The following TBC1D7 variants were observed in gnomAD, a reference collection of about 807,000 sequenced individuals.
TBC1D7 encodes TBC domain family 7.
TBC1D7 carries 33 observed loss-of-function variants against 35.3 expected under a neutral mutation model. The observed-to-expected ratio is 0.93, with a 90% CI of 0.71 to 1.25. TBC1D7 has a LOEUF of 1.25. TBC1D7 is among the 50% of genes most tolerant of loss of function. The pLI is 0.00. For synonymous variants in TBC1D7, 135 were observed against 129.5 expected (o/e 1.04, Z -0.29); for missense variants, 362 against 365.3 (o/e 0.99, Z 0.07).
Position 13,316,564 on chromosome 6 carries a change from C to T in TBC1D7, c.519+7G>A. 1 of 1,582,050 alleles carries T rather than the reference C, an allele frequency of 6.3e-7. No homozygotes were observed. Among genetic ancestry groups the T allele is most frequent in the Admixed American group, 1.9e-5 (1 of 51,632 alleles). Reference sequence around the variant, plus strand: ...TCCAATAGCCAAAAAAAAAAAAAAGCCCTCACCAACTGGGGCAAGGAATCC... The same window carrying T: ...TCCAATAGCCAAAAAAAAAAAAAAGTCCTCACCAACTGGGGCAAGGAATCC... On this transcript the variant is annotated splice_region_variant and intron_variant, in intron 5 of 7. Coordinates refer to ENST00000379300, the MANE Select transcript of TBC1D7 (RefSeq NM_016495.6).
rs150435093 is a variant in TBC1D7 at position 13,313,966 on chromosome 6, T to C, written c.519+2605A>G. Among the ~76,000 whole-genome samples, 807 of 152,316 alleles carry C rather than the reference T, an allele frequency of 5.3e-3. 7 individuals carry two copies. The highest frequency in any genetic ancestry group is 0.019 in the African/African-American group (780 of 41,578). ...ACAGTATAATACTACTTAATGTGAT[T>C]AATCCCAGCACTTTGGGAGGCCGAG... On this transcript the variant is annotated intron_variant, in intron 5 of 7. Transcript: ENST00000379300.
At chr6:13,320,572 C>T (rs920219564) in intron 4 of TBC1D7, 45 of 566,702 alleles carry the variant, frequency 7.9e-5, no homozygotes, top group Non-Finnish European at 1.3e-4. Context: ...TATTTTTTAA[C>T]TTTTTAAATA....
intron 5 of TBC1D7, among the ~76,000 whole-genome samples, chr6:13,312,026 A>G (rs1203178134): frequency 6.6e-6 from 1 of 152,144 alleles, no homozygotes; most frequent in Non-Finnish European, 1.5e-5. Flanking sequence ...TGGCATTTCA[A>G]ATCCGTGGAA....
intron 5 of TBC1D7, among the ~76,000 whole-genome samples, chr6:13,308,992 C>T (rs2458314): frequency 0.33 from 49,951 of 152,128 alleles, 8,774 homozygotes; most frequent in South Asian, 0.46. Context: ...CTCTGAAGAA[C>T]AGACAGGAGT....
Position 13,316,579 on chromosome 6 carries a change from G to A in TBC1D7, c.511C>T (p.Pro171Ser), listed in dbSNP as rs1393019567. Residue 171 changes from proline (P) to serine (S), a missense_variant, in exon 5 of 8, where the codon CCC (proline) becomes TCC (serine). Pro to Ser is a moderately conservative substitution (Grantham distance 74). Transcript: ENST00000379300. ...QLNTKYRDSLPQLPKAFEQYL... is the reference protein window; with the variant it reads ...QLNTKYRDSLSQLPKAFEQYL... ...AAAAAAAAAGCCCTCACCAACTGGG[G>A]CAAGGAATCCCGGTACTTGGTATTT... The A allele has an allele frequency of 1.9e-6, 3 of 1,606,478 alleles. No homozygotes were observed. The highest frequency in any genetic ancestry group is 1.7e-6 in the Non-Finnish European group (2 of 1,178,058).
At position 13,316,684 on chromosome 6, in the gene TBC1D7, C is replaced by G; in HGVS notation, c.406G>C (p.Ala136Pro). The G allele has an allele frequency of 6.2e-7, 1 of 1,614,062 alleles. No individual in the cohort carries two copies. The highest frequency in any genetic ancestry group is 8.5e-7 in the Non-Finnish European group (1 of 1,179,968). The stretch of plus-strand genomic sequence containing the variant: ...ATTTCCTCCATGGCTTTAGCTATGG[C>G]AAGAAACACTTCATCATCTGGCTCC... The part of the protein sequence containing the change: ...PLEPDDEVFL[A>P]IAKAMEEMVE... The change falls in exon 5 of 8, where the codon GCC becomes CCC. Residue 136 changes from alanine (A) to proline (P), a missense_variant. Physicochemically the swap from Ala to Pro is conservative, Grantham distance 27 (BLOSUM62 -1). Coordinates refer to ENST00000379300, the MANE Select transcript of TBC1D7 (RefSeq NM_016495.6).
In TBC1D7 at chr6:13,320,931, G is replaced by A. The variant is rs1783993698; in HGVS notation, c.358C>T (p.Pro120Ser). Reference sequence around the variant, plus strand: ...ACCAGTGGAAAAGAGGGACTTCGAGGTAACTTCCCAGACTCCAGCTGATAC... The same window carrying A: ...ACCAGTGGAAAAGAGGGACTTCGAGATAACTTCCCAGACTCCAGCTGATAC... The part of the protein sequence containing the change: ...RMYQLESGKL[P>S]RSPSFPLEPD... Residue 120 changes from proline to serine, a missense_variant, in exon 4 of 8, where the codon CCT becomes TCT. Pro to Ser is a moderately conservative substitution (Grantham distance 74). Transcript: ENST00000379300. 4.3e-6 allele frequency: 7 copies of A among 1,614,046 alleles called. No individual in the cohort carries two copies. Among genetic ancestry groups the A allele is most frequent in the Non-Finnish European group, 5.9e-6 (7 of 1,180,054 alleles).
chr6:13,314,309 A>AAGGG (rs1783444825), intron 5 of TBC1D7, among the ~76,000 whole-genome samples: 2 of 151,832 alleles, frequency 1.3e-5, no homozygotes, highest in African/African-American at 4.8e-5. Context: ...TCTTAGAAGG[A>AAGGG]GAAGTAGGGA....
chr6:13,312,852 A>G (rs1213621853), intron 5 of TBC1D7, among the ~76,000 whole-genome samples: 4 of 151,992 alleles, frequency 2.6e-5, no homozygotes, highest in Non-Finnish European at 5.9e-5. Context: ...TACAACAAAC[A>G]GAAACTATTT....
At chr6:13,314,575 T>C (rs1040285739) in intron 5 of TBC1D7, among the ~76,000 whole-genome samples, 3 of 152,206 alleles carry the variant, frequency 2.0e-5, no homozygotes, top group African/African-American at 7.2e-5. Context: ...TAAGCTCCAT[T>C]TCCAGGCTGA....
intron 5 of TBC1D7, among the ~76,000 whole-genome samples, chr6:13,314,695 T>C (rs550384788): frequency 2.7e-4 from 41 of 152,322 alleles, no homozygotes; most frequent in Admixed American, 4.6e-4. Context: ...TCTCAGAAGC[T>C]GAAGGGTCTT....
intron 5 of TBC1D7, 28 bp from the exon 6 acceptor site, chr6:13,307,773 T>C (rs754439157): frequency 4.4e-6 from 7 of 1,601,282 alleles, no homozygotes; most frequent in African/African-American, 2.7e-5. Context: ...ACAGAGATTA[T>C]TCATTTTCTG....
At chr6:13,323,522 G>A (rs1318526282) in intron 3 of TBC1D7, among the ~76,000 whole-genome samples, 1 of 152,126 alleles carries the variant, frequency 6.6e-6, no homozygotes, top group Non-Finnish European at 1.5e-5. Flanking sequence ...CGACACTGTT[G>A]ACATTACCAC....
chr6:13,327,031 C>T lies in TBC1D7; in HGVS notation c.-8-125G>A, dbSNP rs1784447742. 1.2e-5 allele frequency: 7 copies of T among 567,314 alleles called. No homozygotes were observed. In the South Asian group the frequency reaches 1.4e-4, roughly 12 times the overall value. The allele number at this position is 567,314 out of a possible 1,614,324, so 35.1% of individuals were successfully genotyped here. ...TTCTCCACCTTTTCAATATGATGTA[C>T]CCTTGCATAGGACCCAATATTAAAT... On this transcript the variant is annotated intron_variant, in intron 1 of 7. Coordinates refer to ENST00000379300, the MANE Select transcript of TBC1D7 (RefSeq NM_016495.6).
intron 5 of TBC1D7, among the ~76,000 whole-genome samples, chr6:13,313,537 C>T (rs1035050768): frequency 1.4e-5 from 2 of 142,936 alleles, no homozygotes; most frequent in Admixed American, 7.5e-5. Context: ...AGCATCTGCT[C>T]GTAGGTACCA....
At chr6:13,307,878 A>G in intron 5 of TBC1D7, 133 bp from the exon 6 acceptor site, 2 of 977,124 alleles carry the variant, frequency 2.0e-6, no homozygotes, top group Non-Finnish European at 3.0e-6. Flanking sequence ...AGAATTATCC[A>G]AGTCACTTGT....
At chr6:13,325,694 T>A (rs1784359288) in intron 2 of TBC1D7, among the ~76,000 whole-genome samples, 1 of 152,184 alleles carries the variant, frequency 6.6e-6, no homozygotes, top group Non-Finnish European at 1.5e-5. Flanking sequence ...CAATTTGCAT[T>A]TTACAGCATT....
intron 6 of TBC1D7, 23 bp downstream of exon 6, chr6:13,307,577 A>G: frequency 6.2e-7 from 1 of 1,613,094 alleles, no homozygotes; most frequent in South Asian, 1.1e-5. Context: ...AGCCTTCAAT[A>G]TGTCTTCGAA....
chr6:13,321,183 G>T, intron 3 of TBC1D7, 88 bp from the exon 4 acceptor site: 1 of 1,126,728 alleles, frequency 8.9e-7, no homozygotes, highest in Admixed American at 2.2e-5. Flanking sequence ...GCCGTGAGAA[G>T]CGACCCACAC....
Sources: allele counts gnomAD v4.1 joint callset (sites outside exome capture counted in the v4.1 genomes callset), GRCh38; gene constraint gnomAD v4.1.1; transcripts MANE v1.5; gene names NCBI Gene and HGNC (gene_info 2026-07-23, HGNC 2026-07-21).